Variants in AP4E1 observed in about 807,000 individuals in gnomAD.
The protein encoded by AP4E1 is AP-4 complex subunit epsilon-1.
A neutral mutation model predicts 128.2 loss-of-function variants in AP4E1; 56 were observed. The observed-to-expected ratio is 0.44, with a 90% CI of 0.35 to 0.55. The LOEUF (loss-of-function observed/expected upper bound fraction) is 0.55. Ranked by LOEUF, AP4E1 falls within the 20% of genes least tolerant of loss-of-function variation. AP4E1 has a pLI of 0.00. For missense variants in AP4E1, 1,324 were observed against 1,307.7 expected (o/e 1.01, Z -0.19); for synonymous variants, 484 against 473.1 (o/e 1.02, Z -0.30).
chr15:50,909,907 G>GATCTCC (rs1317912529), intron 1 of AP4E1, among the ~76,000 whole-genome samples: 1 of 152,088 alleles, frequency 6.6e-6, no homozygotes, highest in Non-Finnish European at 1.5e-5. Flanking sequence ...GGATGGTCTC[G>GATCTCC]ATCTCCTGAC....
Position 50,925,237 on chromosome 15 carries a change from G to T in AP4E1, c.542+18G>T, listed in dbSNP as rs778455909. 12 of 1,608,856 alleles carry T rather than the reference G, an allele frequency of 7.5e-6. No individual in the cohort carries two copies. Among genetic ancestry groups the T allele is most frequent in the Non-Finnish European group, 1.0e-5 (12 of 1,175,898 alleles). ...CATTCTAAGTAAGTAAATTCTTTTG[G>T]GATAGGCATCTATGCCATATATTTC... On this transcript the variant is annotated intron_variant, in intron 5 of 20. Coordinates refer to ENST00000261842, the MANE Select transcript of AP4E1 (RefSeq NM_007347.5).
At chr15:50,989,243 C>G (rs1567259755) in intron 16 of AP4E1, among the ~76,000 whole-genome samples, 1 of 152,020 alleles carries the variant, frequency 6.6e-6, no homozygotes, top group Non-Finnish European at 1.5e-5. Flanking sequence ...AAGTAATGGC[C>G]GCATTGTTGG....
intron 13 of AP4E1, among the ~76,000 whole-genome samples, chr15:50,952,781 AT>A (rs772005378): frequency 9.2e-5 from 14 of 152,154 alleles, no homozygotes; most frequent in Non-Finnish European, 1.8e-4. Flanking sequence ...AATGTCCTAC[AT>A]TCTGGATATC....
chr15:50,940,943 G>A (rs2063977484), intron 8 of AP4E1, among the ~76,000 whole-genome samples: 1 of 152,174 alleles, frequency 6.6e-6, no homozygotes, highest in Admixed American at 6.5e-5. Flanking sequence ...CCTATAAAAT[G>A]ATTATGTTGA....
In AP4E1 at chr15:50,993,350, T is replaced by G; in HGVS notation, c.2091-20T>G. On this transcript the variant is annotated intron_variant, in intron 16 of 20. Coordinates refer to ENST00000261842, the MANE Select transcript of AP4E1 (RefSeq NM_007347.5). ...TAGCAGTTATTTAAGTTGACTTGAT[T>G]TTATTATCAACCTCCTTAGGACAAA... The G allele has an allele frequency of 6.2e-7, 1 of 1,613,574 alleles. No individual in the cohort carries two copies. Among genetic ancestry groups the G allele is most frequent in the Non-Finnish European group, 8.5e-7 (1 of 1,179,732 alleles).
At chr15:50,973,559 A>G (rs75026292) in intron 15 of AP4E1, among the ~76,000 whole-genome samples, 2 of 152,146 alleles carry the variant, frequency 1.3e-5, no homozygotes, top group Non-Finnish European at 2.9e-5. Flanking sequence ...ATGCCCATTG[A>G]TTGGTAAGTC....
intron 14 of AP4E1, 55 bp downstream of exon 14, chr15:50,958,849 A>G (rs1354866751): frequency 1.3e-6 from 2 of 1,544,808 alleles, no homozygotes; most frequent in Non-Finnish European, 1.8e-6. Context: ...AAACAGAGTA[A>G]TTCTTGCATT....
At chr15:50,945,481 C>T (rs997241404) in intron 10 of AP4E1, 13 of 764,376 alleles carry the variant, frequency 1.7e-5, no homozygotes, top group Non-Finnish European at 2.9e-5. Flanking sequence ...ACTGGACACT[C>T]CTGTAATGTT....
intron 16 of AP4E1, among the ~76,000 whole-genome samples, chr15:50,986,740 G>C (rs2064729745): frequency 6.6e-6 from 1 of 152,188 alleles, no homozygotes; most frequent in Non-Finnish European, 1.5e-5. Context: ...TTGCATCGAT[G>C]TTCATCAGGG....
intron 3 of AP4E1, among the ~76,000 whole-genome samples, chr15:50,921,630 C>G (rs1317062771): frequency 6.6e-6 from 1 of 152,076 alleles, no homozygotes; most frequent in Admixed American, 6.6e-5. Flanking sequence ...GGCCATTTAT[C>G]TTCATTTTAA....
At chr15:50,915,899 G>A (rs2063625184) in intron 3 of AP4E1, 1 of 248,494 alleles carries the variant, frequency 4.0e-6, no homozygotes, top group Non-Finnish European at 7.8e-6. Context: ...TGACTTTTTT[G>A]TATATAAATT....
Position 50,993,492 on chromosome 15 carries a change from TG to T in AP4E1, c.2215del (p.Glu739ArgfsTer3), listed in dbSNP as rs775279173. 5 of 1,614,008 alleles carry T rather than the reference TG, an allele frequency of 3.1e-6. No homozygotes were observed. Among genetic ancestry groups the T allele is most frequent in the Admixed American group, 1.7e-5 (1 of 59,996 alleles). Reference protein sequence around the residue: ...GALPVPQESIMENVDQAITKK... With the variant: ...GALPVPQESIXENVDQAITKK... ...CTGCCTGTTCCTCAAGAGAGTATAA[TG>T]GAGAATGTAGATCAAGCTATAACTA... On this transcript the variant is annotated frameshift_variant, in exon 17 of 21. Coordinates refer to ENST00000261842, the MANE Select transcript of AP4E1 (RefSeq NM_007347.5). LOFTEE classifies it high-confidence loss of function.
intron 17 of AP4E1, among the ~76,000 whole-genome samples, chr15:50,996,971 G>A (rs1446253493): frequency 6.6e-6 from 1 of 152,068 alleles, no homozygotes. Context: ...AACAACTATG[G>A]CAACTCAAAA....
At chr15:50,920,075 TAA>T (rs759743982) in intron 3 of AP4E1, among the ~76,000 whole-genome samples, 88 of 88,152 alleles carry the variant, frequency 1.0e-3, no homozygotes, top group South Asian at 3.6e-3. Context: ...ATAATATGTC[TAA>T]AAAAAAAAAA....
chr15:50,993,292 T>C (rs370927451), intron 16 of AP4E1, 78 bp from the exon 17 acceptor site: 20 of 1,482,872 alleles, frequency 1.3e-5, no homozygotes, highest in African/African-American at 4.2e-5. Flanking sequence ...GGCATTGATA[T>C]GTTTTGAAAG....
chr15:50,940,594 T>C (rs2063971873), intron 8 of AP4E1, among the ~76,000 whole-genome samples: 1 of 152,196 alleles, frequency 6.6e-6, no homozygotes, highest in Non-Finnish European at 1.5e-5. Context: ...AGTTTTTAAG[T>C]GTTGATTCTG....
intron 15 of AP4E1, among the ~76,000 whole-genome samples, chr15:50,970,369 A>G (rs2064462310): frequency 6.6e-6 from 1 of 152,218 alleles, no homozygotes. Flanking sequence ...GGCTGATTCC[A>G]TATTAGATTG....
chr15:50,994,624 A>T (rs779065227), intron 17 of AP4E1, among the ~76,000 whole-genome samples: 2 of 152,222 alleles, frequency 1.3e-5, no homozygotes, highest in Admixed American at 6.5e-5. Context: ...GATCAGCAGT[A>T]AAGTGACTGA....
At chr15:50,911,260 G>T (rs2063563489) in intron 1 of AP4E1, among the ~76,000 whole-genome samples, 1 of 152,140 alleles carries the variant, frequency 6.6e-6, no homozygotes, top group Non-Finnish European at 1.5e-5. Context: ...GACCACATTG[G>T]TATGTGTCTG....
Sources: gnomAD v4.1 joint callset for allele counts (sites outside exome capture counted in the v4.1 genomes callset) on GRCh38, gnomAD v4.1.1 for gene constraint, MANE v1.5 for transcripts, NCBI Gene and HGNC (gene_info 2026-07-23, HGNC 2026-07-21) for gene names.